Variants in PDE4A observed in about 807,000 individuals in gnomAD.
The protein encoded by PDE4A is phosphodiesterase 4A, also known as 3',5'-cyclic-AMP phosphodiesterase 4A.
A neutral mutation model predicts 73.9 loss-of-function variants in PDE4A; 21 were observed. The observed-to-expected ratio is 0.28, with a 90% CI of 0.20 to 0.41. The LOEUF is 0.41. Among genes scored for constraint, PDE4A ranks in the 10% least tolerant of loss-of-function variants. PDE4A has a pLI of 1.00. For missense variants in PDE4A, 958 were observed against 1,211.4 expected, an observed-to-expected ratio of 0.79 and a Z score of 3.10; for synonymous variants, 463 against 505.4, an observed-to-expected ratio of 0.92 and a Z score of 1.13.
chr19:10,421,735 G>T (rs547027231), intron 1 of PDE4A, among the ~76,000 whole-genome samples: 4 of 152,176 alleles, frequency 2.6e-5, no homozygotes, highest in African/African-American at 2.4e-5. Flanking sequence ...ACAGTGGAGG[G>T]GGGGCGCAGT....
At chr19:10,455,115 A>G (rs919968136) in intron 7 of PDE4A, among the ~76,000 whole-genome samples, 193 bp downstream of exon 7, 3 of 152,152 alleles carry the variant, frequency 2.0e-5, no homozygotes, top group African/African-American at 7.2e-5. Context: ...CCCAGCTTCT[A>G]TAGAGCCCAA....
chr19:10,438,711 G>T (rs141594883), intron 1 of PDE4A, among the ~76,000 whole-genome samples: 1,564 of 152,160 alleles, frequency 0.01, 17 homozygotes, highest in Non-Finnish European at 0.016. Context: ...AGGTTCAAGT[G>T]ATTCTCCTGC....
rs370519251 is a variant in PDE4A, at chr19:10,449,136, C to T, written c.606C>T (p.Pro202=). Residue 202 remains proline (P), a synonymous_variant, in exon 4 of 15, where the codon CCC becomes CCT. Transcript: ENST00000380702. ...ACTTCTCACTCCTGACCAATGTGCC[C>T]GTTCCCAGTAACAAGTAAGTGAAGG... ...RSNFSLLTNV[P]VPSNKRSPLG... is the part of the protein sequence containing the mutation. 1.9e-5 allele frequency: 31 copies of T among 1,613,444 alleles called. No homozygotes were observed. The highest frequency in any genetic ancestry group is 2.3e-5 in the Non-Finnish European group (27 of 1,179,784).
chr19:10,450,378 TG>T, intron 4 of PDE4A: 2 of 463,618 alleles, frequency 4.3e-6, no homozygotes, highest in Non-Finnish European at 5.7e-6. Flanking sequence ...ATCAGCCATG[TG>T]GTCTTGAAGA....
chr19:10,462,051 C>T, intron 13 of PDE4A, 52 bp downstream of exon 13: 1 of 1,509,228 alleles, frequency 6.6e-7, no homozygotes, highest in African/African-American at 1.4e-5. Context: ...CCAGCCACAC[C>T]TTTAGGTCTG....
At chr19:10,441,520 A>C (rs570274817) in intron 1 of PDE4A, among the ~76,000 whole-genome samples, 7 of 151,790 alleles carry the variant, frequency 4.6e-5, no homozygotes, top group African/African-American at 1.7e-4. Flanking sequence ...GCCTCTGTTG[A>C]TACACAAAAG....
intron 1 of PDE4A, among the ~76,000 whole-genome samples, chr19:10,422,386 C>A (rs2042662778): frequency 6.6e-6 from 1 of 152,122 alleles, no homozygotes. Context: ...CCTGGTGTAT[C>A]CTAAGAACTG....
chr19:10,442,126 G>A (rs1440889611), intron 1 of PDE4A, among the ~76,000 whole-genome samples: 19 of 152,172 alleles, frequency 1.2e-4, no homozygotes, highest in Admixed American at 1.2e-3. Flanking sequence ...CTGAGTGGGT[G>A]CAAGTGGAGA....
At chr19:10,442,055 A>G (rs1352749358) in intron 1 of PDE4A, among the ~76,000 whole-genome samples, 1 of 152,094 alleles carries the variant, frequency 6.6e-6, no homozygotes, top group African/African-American at 2.4e-5. Context: ...TTGAAAAGAC[A>G]GTTCTTTCCC....
At chr19:10,448,823 C>G in intron 2 of PDE4A, 94 bp from the exon 3 acceptor site, 1 of 1,586,356 alleles carries the variant, frequency 6.3e-7, no homozygotes, top group Non-Finnish European at 8.6e-7. Context: ...CCCCTCCCTC[C>G]CTCTCAGCCT....
At chr19:10,427,733 T>G in intron 1 of PDE4A, 1 of 950,954 alleles carries the variant, frequency 1.1e-6, no homozygotes, top group Non-Finnish European at 1.3e-6. Flanking sequence ...GGCTTCCCCG[T>G]CTCTGAAATG....
At chr19:10,437,148 T>C (rs964636576) in intron 1 of PDE4A, among the ~76,000 whole-genome samples, 7 of 152,242 alleles carry the variant, frequency 4.6e-5, no homozygotes, top group African/African-American at 1.7e-4. Flanking sequence ...TGTTTGTTTG[T>C]TTTTTGAGAC....
Position 10,467,413 on chromosome 19 carries a change from G to T in PDE4A, c.2453G>T (p.Ser818Ile), listed in dbSNP as rs1270812136. The T allele has an allele frequency of 1.2e-6, 2 of 1,614,024 alleles. No individual in the cohort carries two copies. The part of the protein sequence containing the change: ...HSSPSALALQ[S>I]PLLPAWRTLS... Reference sequence around the variant, plus strand: ...AGCCCCTCTGCCCTGGCTCTTCAAAGCCCCCTTCTCCCTGCTTGGAGGACC... The same window carrying T: ...AGCCCCTCTGCCCTGGCTCTTCAAATCCCCCTTCTCCCTGCTTGGAGGACC... The change falls in exon 15 of 15, where the codon AGC (serine) becomes ATC (isoleucine). Residue 818 changes from serine to isoleucine, a missense_variant. Physicochemically the swap from Ser to Ile is moderately radical, Grantham distance 142. This residue lies in a region of PDE4A where 243 missense variants were observed against 245.9 expected (regional missense o/e 0.99). Coordinates refer to ENST00000380702, the MANE Select transcript of PDE4A (RefSeq NM_001111307.2).
Position 10,453,497 on chromosome 19 carries a change from G to A in PDE4A, c.784-1332G>A, listed in dbSNP as rs2043126142. ...GGATGGCGGGCAGCTGGGGGTGTGT[G>A]ACTCTCCCTGGGGGTGGACTGCGGG... On this transcript the variant is annotated intron_variant, in intron 6 of 14. Coordinates refer to ENST00000380702, the MANE Select transcript of PDE4A (RefSeq NM_001111307.2). The surrounding 1 kb of genome is among the most constrained non-coding windows in gnomAD (Gnocchi z 4.6). Among the ~76,000 whole-genome samples, 1 of 152,124 alleles carries A rather than the reference G, an allele frequency of 6.6e-6. No individual in the cohort carries two copies. The highest frequency in any genetic ancestry group is 2.4e-5 in the African/African-American group (1 of 41,404).
In PDE4A at chr19:10,467,545, G is replaced by T. The variant is rs1280417316; in HGVS notation, c.2585G>T (p.Cys862Phe). 2 of 1,611,688 alleles carry T rather than the reference G, an allele frequency of 1.2e-6. No individual in the cohort carries two copies. The highest frequency in any genetic ancestry group is 1.7e-6 in the Non-Finnish European group (2 of 1,179,150). ...HQAAKRACSACAGTFGEDTSA... is the reference protein window; with the variant it reads ...HQAAKRACSAFAGTFGEDTSA... Reference sequence around the variant, plus strand: ...GCTGCCAAGAGGGCTTGCAGTGCCTGCGCAGGGACATTTGGGGAGGACACA... The same window carrying T: ...GCTGCCAAGAGGGCTTGCAGTGCCTTCGCAGGGACATTTGGGGAGGACACA... Residue 862 changes from cysteine (C) to phenylalanine (F), a missense_variant, in exon 15 of 15, where the codon TGC becomes TTC. By Grantham distance (205) the Cys-to-Phe change is radical. Around this residue, in one of 3 missense-constraint regions of PDE4A, gnomAD observed 243 missense variants for 245.9 expected, o/e 0.99. Transcript: ENST00000380702.
chr19:10,455,238 G>A lies in PDE4A; in HGVS notation c.877+316G>A, dbSNP rs566979870. 3.3e-5 allele frequency among the ~76,000 whole-genome samples: 5 copies of A among 152,220 alleles called. No homozygotes were observed. The East Asian group carries it at 5.8e-4, about 18-fold the overall frequency. On this transcript the variant is annotated intron_variant, in intron 7 of 14. Transcript: ENST00000380702. ...AACACTTTGGGAGGCTGAGGCAGGCGGATCACTTGACATCAGCAGTTTGAG... is the reference window on the plus strand; with the variant it reads ...AACACTTTGGGAGGCTGAGGCAGGCAGATCACTTGACATCAGCAGTTTGAG...
Position 10,446,409 on chromosome 19 carries a change from C to T in PDE4A, c.512C>T (p.Ala171Val), listed in dbSNP as rs200399714. 4 of 1,602,894 alleles carry T rather than the reference C, an allele frequency of 2.5e-6. No homozygotes were observed. Among genetic ancestry groups the T allele is most frequent in the Non-Finnish European group, 3.4e-6 (4 of 1,170,858 alleles). The change falls in exon 2 of 15, where the codon GCG (alanine) becomes GTG (valine). Residue 171 changes from alanine (A) to valine (V), a missense_variant and splice_region_variant. This residue lies in a region of PDE4A where 570 missense variants were observed against 827.7 expected (regional missense o/e 0.69). Transcript: ENST00000380702. ...MSRNSSVTSE[A>V]HAEDLIVTPF... ...CGGAACTCATCGGTCACCAGCGAGGCGTGAGCATCCTTCTCCCCACATGCC... is the reference window on the plus strand; with the variant it reads ...CGGAACTCATCGGTCACCAGCGAGGTGTGAGCATCCTTCTCCCCACATGCC...
rs764484338 is a variant in PDE4A, at chr19:10,457,994, C to T, written c.993C>T (p.Pro331=). 10 of 1,613,898 alleles carry T rather than the reference C, an allele frequency of 6.2e-6. No individual in the cohort carries two copies. In the Admixed American group the frequency reaches 6.7e-5, roughly 11 times the overall value. ...PPPPPVPHLQ[P]MSQITGLKKL... ...CGCCCCCTGTACCACACTTACAGCC[C>T]ATGTCCCAAATCACAGGGTTGAAAA... The change falls in exon 8 of 15, where the codon CCC becomes CCT. Residue 331 remains proline, a synonymous_variant. Transcript: ENST00000380702.
chr19:10,432,676 G>T lies in PDE4A; in HGVS notation c.320+11592G>T, dbSNP rs917104739. 2.1e-5 allele frequency: 24 copies of T among 1,140,762 alleles called. No individual in the cohort carries two copies. The African/African-American group carries it at 4.0e-4, about 19-fold the overall frequency. 70.7% of individuals were successfully genotyped at this position (1,140,762 alleles called of 1,614,324 possible). ...TCTACCTGGGTGAGTCCCCTAAGTG[G>T]CTTCCAGGATCTGGCTGGGGCCCCA... On this transcript the variant is annotated intron_variant, in intron 1 of 14. Coordinates refer to ENST00000380702, the MANE Select transcript of PDE4A (RefSeq NM_001111307.2).
Sources: gnomAD v4.1 joint callset for allele counts (sites outside exome capture counted in the v4.1 genomes callset) on GRCh38, gnomAD v4.1.1 for gene constraint, gnomAD v4.1.1 regional missense constraint, Gnocchi (gnomAD v3.1) non-coding constraint, MANE v1.5 for transcripts, NCBI Gene and HGNC (gene_info 2026-07-23, HGNC 2026-07-21) for gene names.